DAB1: variants seen among roughly 807,000 people sequenced by gnomAD.
DAB1 encodes DAB adaptor protein 1, also known as disabled homolog 1.
Under a neutral mutation model 64.6 loss-of-function variants are expected in DAB1, and 15 were observed. The ratio of observed to expected loss-of-function variants is 0.23; its 90% CI spans 0.16 to 0.36. The LOEUF is 0.36. Among genes scored for constraint, DAB1 ranks in the 10% least tolerant of loss-of-function variants. The pLI is 1.00. For missense variants in DAB1, 596 were observed against 706.7 expected, an observed-to-expected ratio of 0.84 and a Z score of 1.78; for synonymous variants, 235 against 251.9, an observed-to-expected ratio of 0.93 and a Z score of 0.64.
At chr1:57,599,610 C>A (rs992556182) in intron 7 of DAB1, among the ~76,000 whole-genome samples, 48 of 152,218 alleles carry the variant, frequency 3.2e-4, no homozygotes, top group African/African-American at 1.1e-3. Flanking sequence ...TACTTACTGA[C>A]AGTTGGGTGT....
At chr1:57,398,383 G>A (rs1436336631) in intron 1 of DAB1, among the ~76,000 whole-genome samples, 1 of 131,168 alleles carries the variant, frequency 7.6e-6, no homozygotes, top group Non-Finnish European at 1.8e-5. Flanking sequence ...ATGGGGCATT[G>A]AAAGATAAGG....
intron 4 of DAB1, among the ~76,000 whole-genome samples, chr1:58,252,343 C>T (rs527628194): frequency 2.0e-5 from 3 of 152,134 alleles, no homozygotes; most frequent in South Asian, 4.1e-4. Flanking sequence ...GGAAACATTT[C>T]GAGCAGGAAA....
At chr1:57,472,284 G>C (rs1430316117) in intron 7 of DAB1, among the ~76,000 whole-genome samples, 1 of 152,234 alleles carries the variant, frequency 6.6e-6, no homozygotes, top group East Asian at 1.9e-4. Context: ...GAGACTCATG[G>C]AGGGTCATTC....
At chr1:57,301,789 G>T (rs902310431) in intron 1 of DAB1, among the ~76,000 whole-genome samples, 2 of 152,138 alleles carry the variant, frequency 1.3e-5, no homozygotes, top group Non-Finnish European at 2.9e-5. Flanking sequence ...AGTGCCCTGG[G>T]CAGGGACTCA....
chr1:58,055,605 C>T (rs1039660625), intron 5 of DAB1, among the ~76,000 whole-genome samples: 4 of 152,202 alleles, frequency 2.6e-5, no homozygotes, highest in Non-Finnish European at 5.9e-5. Flanking sequence ...TACCACTATA[C>T]ATTTGACCAG....
chr1:57,609,501 C>G (rs761319366), intron 7 of DAB1, among the ~76,000 whole-genome samples: 26 of 152,062 alleles, frequency 1.7e-4, no homozygotes, highest in Non-Finnish European at 3.2e-4. Flanking sequence ...CGAATTCCCC[C>G]ACGAATACCC....
chr1:57,564,422 C>T (rs1280072003), intron 7 of DAB1, among the ~76,000 whole-genome samples: 1 of 152,146 alleles, frequency 6.6e-6, no homozygotes, highest in Non-Finnish European at 1.5e-5. Flanking sequence ...AGCAACAGAA[C>T]AAAGCTGGAT....
intron 3 of DAB1, among the ~76,000 whole-genome samples, chr1:58,370,394 T>C (rs199875166): frequency 1.4e-5 from 2 of 143,330 alleles, no homozygotes; most frequent in African/African-American, 4.9e-5. Flanking sequence ...TGTGTGTGTG[T>C]GTGTGTGTGT....
chr1:58,117,109 T>C (rs1245532618), intron 5 of DAB1, among the ~76,000 whole-genome samples: 1 of 152,212 alleles, frequency 6.6e-6, no homozygotes, highest in Non-Finnish European at 1.5e-5. Context: ...GTATTGTTTC[T>C]GCCACTCACA....
chr1:57,022,342 T>C (rs1017572267), intron 11 of DAB1, among the ~76,000 whole-genome samples: 2 of 152,222 alleles, frequency 1.3e-5, no homozygotes, highest in Admixed American at 6.5e-5. Context: ...ATTATAGTAG[T>C]CCCATGGATA....
chr1:57,061,174 G>T (rs540960185), intron 9 of DAB1, among the ~76,000 whole-genome samples: 77 of 144,614 alleles, frequency 5.3e-4, no homozygotes, highest in Middle Eastern at 3.8e-3. Context: ...CCTGCATCTG[G>T]ATATGCTTTT....
chr1:57,762,349 A>T (rs761495936), intron 6 of DAB1, among the ~76,000 whole-genome samples: 11 of 152,218 alleles, frequency 7.2e-5, no homozygotes, highest in Middle Eastern at 3.4e-3. Context: ...AAAACTTTAG[A>T]TCAGATTTTC....
chr1:57,968,711 T>C (rs1267603774), intron 5 of DAB1, among the ~76,000 whole-genome samples: 1 of 152,170 alleles, frequency 6.6e-6, no homozygotes, highest in East Asian at 1.9e-4. Context: ...AGAACATAGC[T>C]ACTATTTGCC....
intron 4 of DAB1, among the ~76,000 whole-genome samples, chr1:58,251,389 C>G (rs1451997770): frequency 1.3e-5 from 2 of 152,132 alleles, no homozygotes; most frequent in African/African-American, 4.8e-5. Flanking sequence ...CAGCAAGAAA[C>G]TATTGGATAG....
intron 2 of DAB1, among the ~76,000 whole-genome samples, chr1:57,222,385 C>T (rs1395342372): frequency 1.3e-5 from 2 of 152,132 alleles, no homozygotes; most frequent in African/African-American, 4.8e-5. Context: ...ATAGAGGAAA[C>T]ATGGGAGCAA....
At chr1:57,438,090 C>T (rs1281252792) in intron 7 of DAB1, among the ~76,000 whole-genome samples, 1 of 152,136 alleles carries the variant, frequency 6.6e-6, no homozygotes, top group Non-Finnish European at 1.5e-5. Context: ...GTTTAAGCAA[C>T]ATGAGTGACA....
chr1:57,002,500 C>T (rs1165993516), intron 14 of DAB1, among the ~76,000 whole-genome samples: 1 of 152,174 alleles, frequency 6.6e-6, no homozygotes, highest in Non-Finnish European at 1.5e-5. Flanking sequence ...GGGGGTAATT[C>T]TGTGATTATC....
chr1:58,098,464 T>G (rs1651121040), intron 5 of DAB1, among the ~76,000 whole-genome samples: 1 of 152,022 alleles, frequency 6.6e-6, no homozygotes, highest in South Asian at 2.1e-4. Context: ...AATGAGAGGA[T>G]CAATACCTCA....
intron 9 of DAB1, among the ~76,000 whole-genome samples, chr1:57,041,729 A>G (rs1239031663): frequency 1.3e-5 from 2 of 152,208 alleles, no homozygotes; most frequent in African/African-American, 2.4e-5. Context: ...TTAAGTCAAC[A>G]ATTCAATACA....
Sources: allele counts gnomAD v4.1 joint callset (sites outside exome capture counted in the v4.1 genomes callset), GRCh38; gene constraint gnomAD v4.1.1; transcripts MANE v1.5; gene names NCBI Gene and HGNC (gene_info 2026-07-23, HGNC 2026-07-21).